DDR2: variants seen among roughly 807,000 people sequenced by gnomAD.
The protein encoded by DDR2 is discoidin domain receptor tyrosine kinase 2.
A neutral mutation model predicts 94.9 loss-of-function variants in DDR2; 27 were observed. The ratio of observed to expected loss-of-function variants is 0.28; its 90% CI spans 0.21 to 0.39. The LOEUF (loss-of-function observed/expected upper bound fraction) is 0.39. DDR2 is among the 10% of genes least tolerant of loss of function. The probability of loss-of-function intolerance (pLI) is 1.00; values close to 1 mark genes in which losing one functional copy is unlikely to be tolerated. For synonymous variants in DDR2, 382 were observed against 377.2 expected (o/e 1.01, Z -0.15); for missense variants, 783 against 1,076.0 (o/e 0.73, Z 3.81).
Position 162,665,586 on chromosome 1 carries a change from C to T in DDR2, c.-28+10212C>T, listed in dbSNP as rs1398396753. Among the ~76,000 whole-genome samples the T allele has an allele frequency of 6.7e-5, 10 of 148,450 alleles. No homozygotes were observed. The East Asian group carries it at 1.8e-3, about 26-fold the overall frequency. Reference sequence around the variant, plus strand: ...TGATTTTTTTTTTTTTTTTGCCACTCATACAGGCTGCCTTTTATCAAAACT... The same window carrying T: ...TGATTTTTTTTTTTTTTTTGCCACTTATACAGGCTGCCTTTTATCAAAACT... On this transcript the variant is annotated intron_variant, in intron 2 of 17. Transcript: ENST00000367921.
chr1:162,634,505 G>GCATA (rs1656721139), intron 1 of DDR2, among the ~76,000 whole-genome samples: 1 of 152,238 alleles, frequency 6.6e-6, no homozygotes, highest in South Asian at 2.1e-4. Context: ...AGCCCCTGTG[G>GCATA]TGCTGGGTCT....
intron 2 of DDR2, among the ~76,000 whole-genome samples, chr1:162,717,919 T>C (rs895734678): frequency 1.3e-5 from 2 of 152,224 alleles, no homozygotes; most frequent in African/African-American, 4.8e-5. Context: ...TGGGACAAAG[T>C]AACTATGTGC....
At chr1:162,654,524 A>G (rs368156229) in intron 1 of DDR2, among the ~76,000 whole-genome samples, 1 of 152,318 alleles carries the variant, frequency 6.6e-6, no homozygotes, top group South Asian at 2.1e-4. Flanking sequence ...ATATATGTGT[A>G]AACTATTTCT....
At position 162,770,380 on chromosome 1, in the gene DDR2, C is replaced by G. The variant is rs1193186486; in HGVS notation, c.1372C>G (p.Arg458Gly). The G allele has an allele frequency of 6.2e-7, 1 of 1,613,904 alleles. No homozygotes were observed. The highest frequency in any genetic ancestry group is 8.5e-7 in the Non-Finnish European group (1 of 1,180,010). ...PSDSSMFNNN[R>G]SSSPSEQGSN... ...TGATTCTAGCATGTTCAACAATAACCGCTCCTCATCACCTAGTGAACAAGG... is the reference window on the plus strand; with the variant it reads ...TGATTCTAGCATGTTCAACAATAACGGCTCCTCATCACCTAGTGAACAAGG... The change falls in exon 12 of 18, where the codon CGC becomes GGC. Residue 458 changes from arginine to glycine, a missense_variant. Arg to Gly is a moderately radical substitution (Grantham distance 125, BLOSUM62 -2). Around this residue, in one of 2 missense-constraint regions of DDR2, gnomAD observed 519 missense variants for 647.9 expected, o/e 0.80. Transcript: ENST00000367921.
Position 162,770,300 on chromosome 1 carries a change from A to G in DDR2, c.1294-2A>G. 2 of 1,613,234 alleles carry G rather than the reference A, an allele frequency of 1.2e-6. No individual in the cohort carries two copies. The highest frequency in any genetic ancestry group is 1.7e-6 in the Non-Finnish European group (2 of 1,179,730). On this transcript the variant is annotated splice_acceptor_variant, in intron 11 of 17. Transcript: ENST00000367921. LOFTEE classifies it high-confidence loss of function. The stretch of plus-strand genomic sequence containing the variant: ...GCCTTTCTCCTTGCTCTTCTCTTCC[A>G]GGCTTCTCGGAGGATGCTGGATGAT...
chr1:162,780,079 CTCTTT>C (rs918561252), intron 17 of DDR2, 28 bp from the exon 18 acceptor site: 1 of 1,613,370 alleles, frequency 6.2e-7, no homozygotes, highest in Non-Finnish European at 8.5e-7. Flanking sequence ...CTCTCTCTCT[CTCTTT>C]TGTTTTCCTT....
In DDR2 at chr1:162,783,540, C is replaced by T. The variant is rs1312266972; in HGVS notation, c.*3294C>T. 1 of 152,028 alleles carries T rather than the reference C, an allele frequency of 6.6e-6. No individual in the cohort carries two copies. Among genetic ancestry groups the T allele is most frequent in the African/African-American group, 2.4e-5 (1 of 41,366 alleles). The allele number at this position is 152,028 out of a possible 1,614,324, so 9.4% of individuals were successfully genotyped here. A position where few individuals can be genotyped will look rare whatever the true frequency, so the allele number is the denominator to read the frequency against. On this transcript the variant is annotated 3_prime_UTR_variant, in exon 18 of 18. Transcript: ENST00000367921. The stretch of plus-strand genomic sequence containing the variant: ...TCGAGCAAGGTAGAAACAGGAGTAG[C>T]TAGAGCCATTGGGAATCCATTTTGA...
At chr1:162,770,727 C>T (rs376349919) in intron 12 of DDR2, 11 of 684,294 alleles carry the variant, frequency 1.6e-5, no homozygotes, top group African/African-American at 5.4e-5. Context: ...GTGGAGGGAC[C>T]CACATACCAG....
chr1:162,661,192 A>C (rs1178288502), intron 2 of DDR2, among the ~76,000 whole-genome samples: 1 of 152,156 alleles, frequency 6.6e-6, no homozygotes, highest in Non-Finnish European at 1.5e-5. Context: ...GTCCCTCCTC[A>C]AAGAAATGGT....
intron 13 of DDR2, chr1:162,772,534 T>C (rs1571320029): frequency 2.4e-6 from 1 of 411,830 alleles, no homozygotes; most frequent in East Asian, 5.4e-5. Context: ...ATGTTTACAA[T>C]AGATTATGGA....
chr1:162,741,844 C>T, intron 3 of DDR2: 1 of 719,242 alleles, frequency 1.4e-6, no homozygotes, highest in Non-Finnish European at 1.7e-6. Context: ...CATTAAGTCA[C>T]TGGTGACAAG....
At chr1:162,755,820 A>G in intron 7 of DDR2, 51 bp downstream of exon 7, 1 of 1,410,590 alleles carries the variant, frequency 7.1e-7, no homozygotes, top group Non-Finnish European at 1.0e-6. Context: ...CTAAGAAAGA[A>G]TAATATTTTA....
chr1:162,699,559 G>A (rs956500042), intron 2 of DDR2, among the ~76,000 whole-genome samples: 1 of 152,160 alleles, frequency 6.6e-6, no homozygotes, highest in African/African-American at 2.4e-5. Context: ...GGCTAAATGT[G>A]GTTGTGCAAT....
intron 2 of DDR2, among the ~76,000 whole-genome samples, chr1:162,668,736 T>G (rs1658696989): frequency 6.6e-6 from 1 of 152,208 alleles, no homozygotes; most frequent in South Asian, 2.1e-4. Context: ...CTTGGTAACA[T>G]CTGCAAAGAC....
chr1:162,713,816 A>G (rs562403743), intron 2 of DDR2, among the ~76,000 whole-genome samples: 1 of 152,268 alleles, frequency 6.6e-6, no homozygotes, highest in East Asian at 1.9e-4. Context: ...TGCATGCCTC[A>G]TTGTGTACAC....
intron 17 of DDR2, among the ~76,000 whole-genome samples, chr1:162,779,559 T>C (rs1647783340): frequency 6.6e-6 from 1 of 152,198 alleles, no homozygotes; most frequent in Non-Finnish European, 1.5e-5. Context: ...TAATACATTA[T>C]GCATATTAAA....
intron 11 of DDR2, among the ~76,000 whole-genome samples, chr1:162,768,907 T>C (rs1351947256): frequency 6.6e-6 from 1 of 152,186 alleles, no homozygotes; most frequent in Admixed American, 6.5e-5. Context: ...TTTTCCTCCT[T>C]TAGAATGCTG....
At chr1:162,744,211 G>A (rs1292303475) in intron 3 of DDR2, among the ~76,000 whole-genome samples, 1 of 152,156 alleles carries the variant, frequency 6.6e-6, no homozygotes, top group African/African-American at 2.4e-5. Context: ...GTAATATACC[G>A]TATCGTTAAG....
intron 2 of DDR2, among the ~76,000 whole-genome samples, chr1:162,673,914 C>T (rs1023799248): frequency 6.6e-6 from 1 of 152,050 alleles, no homozygotes; most frequent in African/African-American, 2.4e-5. Context: ...AGGGTCCTGG[C>T]CCCTTTTTCT....
Sources: gnomAD v4.1 joint callset for allele counts (sites outside exome capture counted in the v4.1 genomes callset) on GRCh38, gnomAD v4.1.1 for gene constraint, gnomAD v4.1.1 regional missense constraint, MANE v1.5 for transcripts, NCBI Gene and HGNC (gene_info 2026-07-23, HGNC 2026-07-21) for gene names.